TRPV4: variants seen among roughly 807,000 people sequenced by gnomAD.
TRPV4 encodes the protein OSM9-like transient receptor potential channel 4.
A neutral mutation model predicts 84.1 loss-of-function variants in TRPV4; 58 were observed. The ratio of observed to expected loss-of-function variants is 0.69; its 90% CI spans 0.56 to 0.86. The LOEUF (loss-of-function observed/expected upper bound fraction) is 0.86. Ranked by LOEUF, TRPV4 falls within the 40% of genes least tolerant of loss-of-function variation. The probability of loss-of-function intolerance (pLI) is 0.00; values close to 1 mark genes in which losing one functional copy is unlikely to be tolerated. For synonymous variants in TRPV4, 489 were observed against 500.9 expected (o/e 0.98, Z 0.32); for missense variants, 879 against 1,181.1 (o/e 0.74, Z 3.75).
intron 1 of TRPV4, among the ~76,000 whole-genome samples, chr12:109,831,629 A>G (rs1892411653): frequency 6.6e-6 from 1 of 152,218 alleles, no homozygotes; most frequent in Non-Finnish European, 1.5e-5. Context: ...TTGGCACCAG[A>G]TAAGGCAGGA....
chr12:109,794,280 G>T (rs1890240713), intron 8 of TRPV4, 49 bp downstream of exon 8: 2 of 1,603,430 alleles, frequency 1.2e-6, no homozygotes, highest in Non-Finnish European at 8.5e-7. Flanking sequence ...GTCCTGCATG[G>T]CTCAGCCCAG....
chr12:109,784,860 C>CGTGTGT (rs58584964), intron 14 of TRPV4, among the ~76,000 whole-genome samples: 195 of 123,794 alleles, frequency 1.6e-3, no homozygotes, highest in African/African-American at 4.5e-3. Flanking sequence ...AAAAAAAAGA[C>CGTGTGT]GTGTGTGTGT....
chr12:109,823,540 G>C (rs1439460236), intron 1 of TRPV4, among the ~76,000 whole-genome samples: 10 of 152,186 alleles, frequency 6.6e-5, no homozygotes, highest in Non-Finnish European at 1.0e-4. Flanking sequence ...TTAAGAGCAT[G>C]CACCTTGTAG....
At position 109,814,232 on chromosome 12, in the gene TRPV4, G is replaced by A. The variant is rs368084682; in HGVS notation, c.386+179C>T. ...TGGGTGGTTGGATGGATGGATGGACGGATGATATATGGATAGGGAGATGAA... is the reference window on the plus strand; with the variant it reads ...TGGGTGGTTGGATGGATGGATGGACAGATGATATATGGATAGGGAGATGAA... On this transcript the variant is annotated intron_variant, in intron 2 of 15. Coordinates refer to ENST00000261740, the MANE Select transcript of TRPV4 (RefSeq NM_021625.5). The surrounding 1 kb of genome is among the most constrained non-coding windows in gnomAD (Gnocchi z 5.4). Among the ~76,000 whole-genome samples the A allele has an allele frequency of 4.5e-4, 69 of 151,926 alleles. No individual in the cohort carries two copies. The highest frequency in any genetic ancestry group is 1.6e-3 in the African/African-American group (68 of 41,456).
At chr12:109,806,675 T>G (rs1350562054) in intron 3 of TRPV4, among the ~76,000 whole-genome samples, 2 of 133,552 alleles carry the variant, frequency 1.5e-5, no homozygotes, top group Non-Finnish European at 3.2e-5. Context: ...GGCAACATAG[T>G]GAGACCTGTC....
intron 1 of TRPV4, among the ~76,000 whole-genome samples, chr12:109,820,678 C>T (rs146417204): frequency 1.1e-3 from 173 of 152,010 alleles, no homozygotes; most frequent in Middle Eastern, 3.4e-3. Flanking sequence ...CCCGCCACCA[C>T]GCCCGGCTAA....
intron 1 of TRPV4, among the ~76,000 whole-genome samples, chr12:109,832,117 T>C (rs1488464227): frequency 6.6e-6 from 1 of 152,146 alleles, no homozygotes. Context: ...CACCCCAGTA[T>C]TACAGAGGAG....
At chr12:109,800,496 C>A (rs937106142) in intron 5 of TRPV4, 122 bp downstream of exon 5, 1 of 1,311,286 alleles carries the variant, frequency 7.6e-7, no homozygotes, top group Admixed American at 1.8e-5. Flanking sequence ...TGCCTGCGCT[C>A]ATGGCCAGAG....
intron 1 of TRPV4, among the ~76,000 whole-genome samples, chr12:109,826,656 A>C (rs1892259490): frequency 6.6e-6 from 1 of 152,176 alleles, no homozygotes; most frequent in African/African-American, 2.4e-5. Context: ...CCCTCTCCCT[A>C]GGACCCCCCT....
intron 3 of TRPV4, among the ~76,000 whole-genome samples, chr12:109,805,395 GAGA>G (rs1891055949): frequency 1.3e-5 from 2 of 152,200 alleles, no homozygotes; most frequent in Admixed American, 1.3e-4. Flanking sequence ...TGGGTCCTGG[GAGA>G]AGATGTCAGG....
chr12:109,802,130 CT>C (rs35214010), intron 4 of TRPV4, among the ~76,000 whole-genome samples: 28,800 of 134,106 alleles, frequency 0.21, 2,772 homozygotes, highest in South Asian at 0.34. Context: ...ATCTTGGAAT[CT>C]TTTTTTTTTT....
chr12:109,784,840 CA>C (rs11443576), intron 14 of TRPV4, among the ~76,000 whole-genome samples: 234 of 83,800 alleles, frequency 2.8e-3, no homozygotes, highest in Middle Eastern at 0.016. Flanking sequence ...GACTCCATCT[CA>C]AAAAAAAAAA....
At chr12:109,826,280 TCCCAAA>T (rs1892249537) in intron 1 of TRPV4, among the ~76,000 whole-genome samples, 1 of 152,232 alleles carries the variant, frequency 6.6e-6, no homozygotes, top group Non-Finnish European at 1.5e-5. Context: ...CACCTTGGCC[TCCCAAA>T]GTGTTGTGAT....
At position 109,829,852 on chromosome 12, in the gene TRPV4, ATCTCTTGC is replaced by A. The variant is rs1892365035; in HGVS notation, c.-32+3490_-32+3497del. Among the ~76,000 whole-genome samples, 7 of 152,276 alleles carry A rather than the reference ATCTCTTGC, an allele frequency of 4.6e-5. No individual in the cohort carries two copies. In the South Asian group the frequency reaches 1.5e-3, roughly 32 times the overall value. ...GGCTCTTTGTTTGTTTTGAGACAGG[ATCTCTTGC>A]TCTGGACTGCAGTGGCACAATCGCA... On this transcript the variant is annotated intron_variant, in intron 1 of 15. Coordinates refer to ENST00000261740, the MANE Select transcript of TRPV4 (RefSeq NM_021625.5).
chr12:109,829,647 T>G (rs1039591273), intron 1 of TRPV4, among the ~76,000 whole-genome samples: 7 of 152,148 alleles, frequency 4.6e-5, no homozygotes, highest in Non-Finnish European at 1.0e-4. Flanking sequence ...GAGCTGTGCT[T>G]CAGAGCCCCA....
chr12:109,783,930 G>A lies in TRPV4; in HGVS notation c.2459-152C>T. On this transcript the variant is annotated intron_variant, in intron 15 of 15. Coordinates refer to ENST00000261740, the MANE Select transcript of TRPV4 (RefSeq NM_021625.5). The surrounding 1 kb of genome is among the most constrained non-coding windows in gnomAD (Gnocchi z 4.6). ...TACAGAGGTGGAAACTGGGGCTCAAGAGAGGTCAAGGTGCCTCCCCAGGAG... is the reference window on the plus strand; with the variant it reads ...TACAGAGGTGGAAACTGGGGCTCAAAAGAGGTCAAGGTGCCTCCCCAGGAG... The A allele has an allele frequency of 2.0e-6, 2 of 994,830 alleles. No individual in the cohort carries two copies. Among genetic ancestry groups the A allele is most frequent in the Non-Finnish European group, 1.5e-6 (1 of 680,602 alleles). 61.6% of individuals were successfully genotyped at this position (994,830 alleles called of 1,614,324 possible). A position where few individuals can be genotyped will look rare whatever the true frequency, so the allele number is the denominator to read the frequency against.
At chr12:109,818,823 A>G (rs978123493) in intron 1 of TRPV4, among the ~76,000 whole-genome samples, 1 of 152,196 alleles carries the variant, frequency 6.6e-6, no homozygotes, top group African/African-American at 2.4e-5. Context: ...CACACGTGCC[A>G]GCACTACAGC....
At chr12:109,826,549 T>C (rs1327435470) in intron 1 of TRPV4, among the ~76,000 whole-genome samples, 1 of 152,232 alleles carries the variant, frequency 6.6e-6, no homozygotes, top group Non-Finnish European at 1.5e-5. Flanking sequence ...GAGATTTAAC[T>C]GAGTCCACAA....
intron 1 of TRPV4, among the ~76,000 whole-genome samples, chr12:109,823,021 G>C (rs1215862387): frequency 6.6e-6 from 1 of 152,220 alleles, no homozygotes; most frequent in Non-Finnish European, 1.5e-5. Context: ...CTTGGAGGTA[G>C]ACTCTGGCAG....
Sources: allele counts gnomAD v4.1 joint callset (sites outside exome capture counted in the v4.1 genomes callset), GRCh38; gene constraint gnomAD v4.1.1; non-coding constraint Gnocchi (gnomAD v3.1); transcripts MANE v1.5; gene names NCBI Gene and HGNC (gene_info 2026-07-23, HGNC 2026-07-21).